CLEC16A: variants seen among roughly 807,000 people sequenced by gnomAD.
CLEC16A encodes the protein protein CLEC16A.
In CLEC16A, 51 loss-of-function variants were observed where a neutral mutation model predicts 109.5. That is an observed-to-expected ratio of 0.47 (90% confidence interval 0.37 to 0.59). The LOEUF (loss-of-function observed/expected upper bound fraction) is 0.59. Among genes scored for constraint, CLEC16A ranks in the 20% least tolerant of loss-of-function variants. CLEC16A has a pLI of 0.00. For synonymous variants in CLEC16A, 673 were observed against 564.2 expected, an observed-to-expected ratio of 1.19 and a Z score of -2.73; for missense variants, 1,339 against 1,394.0, an observed-to-expected ratio of 0.96 and a Z score of 0.63.
At chr16:11,073,693 T>C (rs955973758) in intron 19 of CLEC16A, among the ~76,000 whole-genome samples, 1 of 152,308 alleles carries the variant, frequency 6.6e-6, no homozygotes, top group East Asian at 1.9e-4. Flanking sequence ...CCTGCCTGGA[T>C]GGCCCTCCCA....
chr16:10,945,616 T>C (rs1158346865), intron 1 of CLEC16A, among the ~76,000 whole-genome samples: 1 of 152,218 alleles, frequency 6.6e-6, no homozygotes, highest in East Asian at 1.9e-4. Flanking sequence ...TTCACCTCTC[T>C]GAGCCTCCAG....
intron 23 of CLEC16A, among the ~76,000 whole-genome samples, chr16:11,176,421 T>C (rs2141037895): frequency 6.6e-6 from 1 of 151,862 alleles, no homozygotes; most frequent in Admixed American, 6.5e-5. Flanking sequence ...CTCTCTCTCT[T>C]TTAAAAAAGA....
chr16:10,965,646 T>A (rs1264116223), intron 3 of CLEC16A, among the ~76,000 whole-genome samples: 1 of 152,238 alleles, frequency 6.6e-6, no homozygotes, highest in Non-Finnish European at 1.5e-5. Flanking sequence ...ACCTGTTGCC[T>A]GTTGGGGTTA....
At position 11,174,969 on chromosome 16, in the gene CLEC16A, C is replaced by T. The variant is rs910729621; in HGVS notation, c.2807-3366C>T. ...GACGCTTCTTCTGTGGTTTCTGATG[C>T]GCTTTTCTCCATTGGCCGTTGCGCT... On this transcript the variant is annotated intron_variant, in intron 23 of 23. Coordinates refer to ENST00000409790, the MANE Select transcript of CLEC16A (RefSeq NM_015226.3). The surrounding 1 kb of genome is among the most constrained non-coding windows in gnomAD (Gnocchi z 4.7). Among the ~76,000 whole-genome samples the T allele has an allele frequency of 2.6e-5, 4 of 152,248 alleles. No homozygotes were observed. The highest frequency in any genetic ancestry group is 9.6e-5 in the African/African-American group (4 of 41,466).
In CLEC16A at chr16:11,166,468, C is replaced by T; in HGVS notation, c.2722C>T (p.Pro908Ser). The change falls in exon 23 of 24, where the codon CCC becomes TCC. Residue 908 changes from proline to serine, a missense_variant. By Grantham distance (74) the Pro-to-Ser change is moderately conservative (BLOSUM62 -1). Around this residue, in one of 3 missense-constraint regions of CLEC16A, gnomAD observed 1,061 missense variants for 1,006.8 expected, o/e 1.05. Transcript: ENST00000409790. ...SQSPPSASGSPSGSGSTSHCD... is the reference protein window; with the variant it reads ...SQSPPSASGSSSGSGSTSHCD... ...GTCGCCACCCTCCGCCAGCGGGAGC[C>T]CCAGCGGCAGCGGGAGCACCAGCCA... The T allele has an allele frequency of 6.2e-7, 1 of 1,608,616 alleles. No individual in the cohort carries two copies. The highest frequency in any genetic ancestry group is 8.5e-7 in the Non-Finnish European group (1 of 1,179,780).
intron 19 of CLEC16A, among the ~76,000 whole-genome samples, chr16:11,071,753 ATTTTTTTTT>A (rs71136611): frequency 6.5e-5 from 4 of 61,282 alleles, no homozygotes; most frequent in South Asian, 6.5e-4. Flanking sequence ...CACCTGGCTG[ATTTTTTTTT>A]TTTTTTTTTT....
rs2042127264 is a variant in CLEC16A at position 10,959,017 on chromosome 16, GT to G, written c.209+1108del. 1.9e-4 allele frequency among the ~76,000 whole-genome samples: 17 copies of G among 87,952 alleles called. No homozygotes were observed. In the Admixed American group the frequency reaches 2.1e-3, roughly 11 times the overall value. The allele number at this position is 87,952 out of a possible 152,430, so 57.7% of individuals were successfully genotyped here. ...GTTATGACAACCACTAAACACGGGT[GT>G]GTGTGTGTGTGTGTGTGTGTGTGTG... On this transcript the variant is annotated intron_variant, in intron 2 of 23. Coordinates refer to ENST00000409790, the MANE Select transcript of CLEC16A (RefSeq NM_015226.3).
chr16:10,988,921 A>AGT (rs2043830591), intron 10 of CLEC16A, among the ~76,000 whole-genome samples: 1 of 152,306 alleles, frequency 6.6e-6, no homozygotes, highest in South Asian at 2.1e-4. Context: ...AAGGCTGCGC[A>AGT]GTGACCTTCC....
chr16:11,125,023 A>C (rs1479365686), intron 21 of CLEC16A, among the ~76,000 whole-genome samples: 1 of 152,064 alleles, frequency 6.6e-6, no homozygotes, highest in East Asian at 1.9e-4. Context: ...TGGGAGGTGG[A>C]GGTTACAGTG....
At chr16:11,147,948 C>CAGG (rs2054135708) in intron 22 of CLEC16A, among the ~76,000 whole-genome samples, 1 of 152,210 alleles carries the variant, frequency 6.6e-6, no homozygotes, top group Non-Finnish European at 1.5e-5. Context: ...TTCCCTAAAA[C>CAGG]GTGCCTTTTT....
At chr16:11,156,714 C>T (rs568486160) in intron 22 of CLEC16A, 18 of 1,266,798 alleles carry the variant, frequency 1.4e-5, no homozygotes, top group Middle Eastern at 2.2e-4. Flanking sequence ...AGGGGCTGGG[C>T]GAGGCAGGGA....
At chr16:11,159,135 A>T (rs529764712) in intron 22 of CLEC16A, among the ~76,000 whole-genome samples, 1 of 152,212 alleles carries the variant, frequency 6.6e-6, no homozygotes, top group African/African-American at 2.4e-5. Flanking sequence ...GGCCATACTG[A>T]GGTCCATGTT....
intron 3 of CLEC16A, among the ~76,000 whole-genome samples, chr16:10,965,857 C>T (rs756801459): frequency 9.2e-5 from 14 of 152,202 alleles, no homozygotes; most frequent in Non-Finnish European, 1.6e-4. Context: ...TGGAAAAGTC[C>T]CTGCTGGGGA....
intron 22 of CLEC16A, among the ~76,000 whole-genome samples, chr16:11,132,231 C>A (rs2053256191): frequency 1.3e-5 from 1 of 78,804 alleles, no homozygotes; most frequent in Non-Finnish European, 2.9e-5. Context: ...TCATCGCCCA[C>A]CCACCCCCCC....
intron 23 of CLEC16A, among the ~76,000 whole-genome samples, chr16:11,172,020 A>G (rs2068535401): frequency 1.3e-5 from 2 of 152,140 alleles, no homozygotes; most frequent in Non-Finnish European, 2.9e-5. Flanking sequence ...TCACACTTAC[A>G]AATGTGCATG....
At chr16:11,139,080 G>A (rs563857675) in intron 22 of CLEC16A, among the ~76,000 whole-genome samples, 1 of 151,794 alleles carries the variant, frequency 6.6e-6, no homozygotes, top group Non-Finnish European at 1.5e-5. Context: ...CATTTAGCTA[G>A]CAAGGGCATC....
intron 19 of CLEC16A, among the ~76,000 whole-genome samples, chr16:11,063,012 G>C (rs1320351876): frequency 6.6e-6 from 1 of 152,042 alleles, no homozygotes. Context: ...CTCCCCCTAG[G>C]AATGGCCTGC....
chr16:11,016,433 C>T (rs1432919019), intron 11 of CLEC16A, among the ~76,000 whole-genome samples: 1 of 151,896 alleles, frequency 6.6e-6, no homozygotes, highest in East Asian at 1.9e-4. Context: ...ACTGCAACCC[C>T]CACCCCCTGG....
At chr16:11,090,007 C>G (rs987114205) in intron 19 of CLEC16A, among the ~76,000 whole-genome samples, 1 of 152,226 alleles carries the variant, frequency 6.6e-6, no homozygotes, top group Non-Finnish European at 1.5e-5. Context: ...ATCCTTTACA[C>G]TCAGAATATC....
Sources: gnomAD v4.1 joint callset for allele counts (sites outside exome capture counted in the v4.1 genomes callset) on GRCh38, gnomAD v4.1.1 for gene constraint, gnomAD v4.1.1 regional missense constraint, Gnocchi (gnomAD v3.1) non-coding constraint, MANE v1.5 for transcripts, NCBI Gene and HGNC (gene_info 2026-07-23, HGNC 2026-07-21) for gene names.